SERPINH1: variants seen among roughly 807,000 people sequenced by gnomAD.
SERPINH1 encodes the protein serpin family H member 1.
SERPINH1 carries 22 observed loss-of-function variants against 32.3 expected under a neutral mutation model. The ratio of observed to expected loss-of-function variants is 0.68; its 90% confidence interval spans 0.49 to 0.97. The LOEUF is 0.97. SERPINH1 is among the 50% of genes least tolerant of loss of function. The pLI, the probability that SERPINH1 is intolerant of heterozygous loss-of-function variation, is 0.00. For missense variants in SERPINH1, 543 were observed against 576.4 expected (o/e 0.94, Z 0.59); for synonymous variants, 251 against 245.9 (o/e 1.02, Z -0.19).
intron 4 of SERPINH1, chr11:75,569,508 C>T (rs765945913): frequency 2.7e-4 from 52 of 195,130 alleles, no homozygotes; most frequent in Non-Finnish European, 3.1e-4. Context: ...CTGCAACCTC[C>T]ACTTCCTGGG....
At chr11:75,568,864 T>C (rs755002360) in intron 3 of SERPINH1, 35 bp downstream of exon 3, 2 of 1,606,012 alleles carry the variant, frequency 1.2e-6, no homozygotes, top group South Asian at 2.2e-5. Context: ...TCAAGGTGGG[T>C]GGGGGTCCAA....
chr11:75,571,617 A>C (rs1414895695), intron 4 of SERPINH1, among the ~76,000 whole-genome samples, 164 bp from the exon 5 acceptor site: 1 of 152,226 alleles, frequency 6.6e-6, no homozygotes, highest in Non-Finnish European at 1.5e-5. Context: ...GAATTGAGAA[A>C]GCTGTGATTT....
At chr11:75,570,132 A>G (rs1185493158) in intron 4 of SERPINH1, among the ~76,000 whole-genome samples, 4 of 152,136 alleles carry the variant, frequency 2.6e-5, no homozygotes, top group African/African-American at 9.7e-5. Context: ...CCTCAAGGTA[A>G]AAACATAATA....
chr11:75,569,575 A>T, intron 4 of SERPINH1: 1 of 166,528 alleles, frequency 6.0e-6, no homozygotes, highest in South Asian at 1.5e-4. Flanking sequence ...GGCATGTGCC[A>T]CCACCCCCAG....
intron 4 of SERPINH1, chr11:75,569,492 G>T (rs932603696): frequency 9.2e-6 from 2 of 216,702 alleles, no homozygotes; most frequent in Non-Finnish European, 1.9e-5. Context: ...GTGCCATCTC[G>T]ACTCACTGCA....
chr11:75,569,694 A>G (rs1344872538), intron 4 of SERPINH1, among the ~76,000 whole-genome samples: 1 of 152,184 alleles, frequency 6.6e-6, no homozygotes, highest in East Asian at 1.9e-4. Context: ...AAGTGCTGGG[A>G]TTACAGGTGT....
At position 75,572,296 on chromosome 11, in the gene SERPINH1, G is replaced by T; in HGVS notation, c.*213G>T. 1 of 620,976 alleles carries T rather than the reference G, an allele frequency of 1.6e-6. No individual in the cohort carries two copies. The highest frequency in any genetic ancestry group is 2.9e-6 in the Non-Finnish European group (1 of 344,896). The allele number at this position is 620,976 out of a possible 1,614,324, so 38.5% of individuals were successfully genotyped here. A position where few individuals can be genotyped will look rare whatever the true frequency, so the allele number is the denominator to read the frequency against. ...TGGGCCCCAGATACCATGATGCTGA[G>T]CCCGGAAACTCCACATCCTGTGGGA... On this transcript the variant is annotated 3_prime_UTR_variant, in exon 5 of 5. Transcript: ENST00000358171.
chr11:75,569,238 C>T lies in SERPINH1; in HGVS notation c.954+67C>T, dbSNP rs1444437996. 4.3e-6 allele frequency: 5 copies of T among 1,170,054 alleles called. No homozygotes were observed. The South Asian group carries it at 6.6e-5, about 16-fold the overall frequency. 72.5% of individuals were successfully genotyped at this position (1,170,054 alleles called of 1,614,324 possible). Reference sequence around the variant, plus strand: ...CAGGGGGAGGTGCTTGGGGGACCCACTCACCAATTCAGCAGGTCTGTCCCA... The same window carrying T: ...CAGGGGGAGGTGCTTGGGGGACCCATTCACCAATTCAGCAGGTCTGTCCCA... On this transcript the variant is annotated intron_variant, in intron 4 of 4. Transcript: ENST00000358171.
chr11:75,568,812 T>C lies in SERPINH1; in HGVS notation c.704T>C (p.Met235Thr). 1.2e-6 allele frequency: 2 copies of C among 1,613,358 alleles called. No homozygotes were observed. The highest frequency in any genetic ancestry group is 2.2e-5 in the East Asian group (1 of 44,860). Residue 235 changes from methionine (M) to threonine (T), a missense_variant, in exon 3 of 5, where the codon ATG (methionine) becomes ACG (threonine). This residue lies in a region of SERPINH1 where 427 missense variants were observed against 446.4 expected (regional missense o/e 0.96). Transcript: ENST00000358171. ...ACTCGGTCCTATACCGTGGGTGTCA[T>C]GATGATGCACCGGACAGGTAGGTGC... ...MVTRSYTVGV[M>T]MMHRTGLYNY...
chr11:75,565,707 A>G (rs1471822201), intron 1 of SERPINH1, among the ~76,000 whole-genome samples: 1 of 152,200 alleles, frequency 6.6e-6, no homozygotes, highest in Non-Finnish European at 1.5e-5. Context: ...CTGGTGACTC[A>G]TTAACATCCC....
rs747053861 is a variant in SERPINH1 at position 75,569,158 on chromosome 11, C to T, written c.941C>T (p.Thr314Ile). The change falls in exon 4 of 5, where the codon ACC becomes ATC. Residue 314 changes from threonine (T) to isoleucine (I), a missense_variant. Around this residue, in one of 3 missense-constraint regions of SERPINH1, gnomAD observed 427 missense variants for 446.4 expected, o/e 0.96. Transcript: ENST00000358171. ...TTGCCCAAGGGTGTGGTGGAGGTGA[C>T]CCATGACCTGCAGGTAAGGGGTGGC... The part of the protein sequence containing the change: ...ISLPKGVVEV[T>I]HDLQKHLAGL... The T allele has an allele frequency of 6.2e-7, 1 of 1,609,632 alleles. No homozygotes were observed. Among genetic ancestry groups the T allele is most frequent in the Non-Finnish European group, 8.5e-7 (1 of 1,177,698 alleles).
chr11:75,566,972 G>A lies in SERPINH1; in HGVS notation c.622+1G>A, dbSNP rs1301315762. 1 of 1,594,988 alleles carries A rather than the reference G, an allele frequency of 6.3e-7. No individual in the cohort carries two copies. The highest frequency in any genetic ancestry group is 8.5e-7 in the Non-Finnish European group (1 of 1,176,498). On this transcript the variant is annotated splice_donor_variant, in intron 2 of 4. Coordinates refer to ENST00000358171, the MANE Select transcript of SERPINH1 (RefSeq NM_001235.5). LOFTEE classifies it high-confidence loss of function. The stretch of plus-strand genomic sequence containing the variant: ...CTAGTCAACGCCATGTTCTTCAAGC[G>A]TGAGTCGGGGGCGCGTTCAGGGGTC...
chr11:75,562,868 T>C (rs2135547912), intron 1 of SERPINH1: 1 of 151,882 alleles, frequency 6.6e-6, no homozygotes, highest in South Asian at 2.1e-4. Context: ...GGAGGTGAAA[T>C]CGTCTCGACT....
In SERPINH1 at chr11:75,572,170, T is replaced by A; in HGVS notation, c.*87T>A. 2 of 1,290,464 alleles carry A rather than the reference T, an allele frequency of 1.5e-6. No individual in the cohort carries two copies. The highest frequency in any genetic ancestry group is 2.2e-6 in the Non-Finnish European group (2 of 906,686). The allele number at this position is 1,290,464 out of a possible 1,614,324, so 79.9% of individuals were successfully genotyped here. The stretch of plus-strand genomic sequence containing the variant: ...TATTGGGGTTGGGGGGGAGGTGAGG[T>A]ACCAGCCTTGGATACTCCATGGGGT... On this transcript the variant is annotated 3_prime_UTR_variant, in exon 5 of 5. Coordinates refer to ENST00000358171, the MANE Select transcript of SERPINH1 (RefSeq NM_001235.5).
chr11:75,567,113 T>A (rs1201105019), intron 2 of SERPINH1, 142 bp downstream of exon 2: 7 of 946,484 alleles, frequency 7.4e-6, no homozygotes, highest in Non-Finnish European at 1.1e-5. Context: ...GTCACTCAGC[T>A]TTTTGTACAG....
Position 75,566,747 on chromosome 11 carries a change from G to T in SERPINH1, c.398G>T (p.Arg133Leu). The T allele has an allele frequency of 6.2e-7, 1 of 1,613,174 alleles. No homozygotes were observed. Among genetic ancestry groups the T allele is most frequent in the Non-Finnish European group, 8.5e-7 (1 of 1,179,926 alleles). ...ARNVTWKLGSRLYGPSSVSFA... is the reference protein window; with the variant it reads ...ARNVTWKLGSLLYGPSSVSFA... Reference sequence around the variant, plus strand: ...AACGTGACCTGGAAGCTGGGCAGCCGACTGTACGGACCCAGCTCAGTGAGC... The same window carrying T: ...AACGTGACCTGGAAGCTGGGCAGCCTACTGTACGGACCCAGCTCAGTGAGC... Residue 133 changes from arginine (R) to leucine (L), a missense_variant, in exon 2 of 5, where the codon CGA becomes CTA. Arg to Leu is a moderately radical substitution (Grantham distance 102). Around this residue, in one of 3 missense-constraint regions of SERPINH1, gnomAD observed 427 missense variants for 446.4 expected, o/e 0.96. Transcript: ENST00000358171.
At chr11:75,567,484 G>A (rs1187634474) in intron 2 of SERPINH1, among the ~76,000 whole-genome samples, 1 of 152,196 alleles carries the variant, frequency 6.6e-6, no homozygotes, top group African/African-American at 2.4e-5. Context: ...ACCACACCCA[G>A]CTAATTTTTG....
intron 2 of SERPINH1, chr11:75,568,114 T>C (rs1942121840): frequency 6.1e-6 from 1 of 163,144 alleles, no homozygotes. Context: ...CTGGGTAAGA[T>C]GGCGAAACCC....
chr11:75,564,186 T>C (rs1259370800), intron 1 of SERPINH1, among the ~76,000 whole-genome samples: 1 of 152,220 alleles, frequency 6.6e-6, no homozygotes, highest in Non-Finnish European at 1.5e-5. Context: ...GAAGCCCCCC[T>C]CTGCCGGCCG....
Sources: allele counts gnomAD v4.1 joint callset (sites outside exome capture counted in the v4.1 genomes callset), GRCh38; gene constraint gnomAD v4.1.1; regional missense constraint gnomAD v4.1.1; transcripts MANE v1.5; gene names NCBI Gene and HGNC (gene_info 2026-07-23, HGNC 2026-07-21).